Variants in PEX5L observed in about 807,000 individuals in gnomAD.
PEX5L encodes the protein peroxisomal biogenesis factor 5 like.
Under a neutral mutation model 84.0 loss-of-function variants are expected in PEX5L, and 30 were observed. That is an observed-to-expected ratio of 0.36 (90% CI 0.27 to 0.48). PEX5L has a LOEUF of 0.48. PEX5L is among the 20% of genes least tolerant of loss of function. The pLI, the probability that PEX5L is intolerant of heterozygous loss-of-function variation, is 0.99. For missense variants in PEX5L, 533 were observed against 754.6 expected (o/e 0.71, Z 3.44); for synonymous variants, 270 against 283.1 (o/e 0.95, Z 0.46).
chr3:179,819,305 C>T (rs1014656984), intron 9 of PEX5L, among the ~76,000 whole-genome samples: 1 of 152,148 alleles, frequency 6.6e-6, no homozygotes, highest in African/African-American at 2.4e-5. Flanking sequence ...GTTCACTGTA[C>T]TTGTGCATTT....
intron 2 of PEX5L, among the ~76,000 whole-genome samples, chr3:179,947,397 C>T (rs534056194): frequency 1.2e-3 from 179 of 152,106 alleles, no homozygotes; most frequent in African/African-American, 4.2e-3. Context: ...ATTTCAAACC[C>T]TTACACCAAT....
intron 6 of PEX5L, among the ~76,000 whole-genome samples, chr3:179,874,755 T>TG (rs1751753470): frequency 1.7e-5 from 2 of 116,132 alleles, no homozygotes; most frequent in Non-Finnish European, 3.6e-5. Flanking sequence ...TTTTTTTTTT[T>TG]TTTTTTTGGT....
At position 179,820,804 on chromosome 3, in the gene PEX5L, T is replaced by G. The variant is rs145826125; in HGVS notation, c.823-828A>C. Among the ~76,000 whole-genome samples, 4 of 152,300 alleles carry G rather than the reference T, an allele frequency of 2.6e-5. No homozygotes were observed. The East Asian group carries it at 7.7e-4, about 29-fold the overall frequency. On this transcript the variant is annotated intron_variant, in intron 8 of 14. Transcript: ENST00000467460. ...TTTTATTAAGCCTGAAGAGAGTTCTTTGGGTGGCCCAAGGGGCAGGAGGAA... is the reference window on the plus strand; with the variant it reads ...TTTTATTAAGCCTGAAGAGAGTTCTGTGGGTGGCCCAAGGGGCAGGAGGAA...
chr3:179,805,113 C>T (rs1288711011), intron 14 of PEX5L, among the ~76,000 whole-genome samples: 1 of 139,816 alleles, frequency 7.2e-6, no homozygotes, highest in African/African-American at 2.6e-5. Context: ...AAGCCTCCAT[C>T]TCAAAAAAAA....
intron 2 of PEX5L, among the ~76,000 whole-genome samples, chr3:179,924,322 A>G (rs1425671725): frequency 6.6e-6 from 1 of 152,186 alleles, no homozygotes. Context: ...CCCCAGCTAG[A>G]TGCCACCTTC....
chr3:179,957,326 C>T (rs1178596882), intron 2 of PEX5L, among the ~76,000 whole-genome samples: 3 of 152,022 alleles, frequency 2.0e-5, no homozygotes, highest in African/African-American at 7.2e-5. Context: ...AGGGTGATTG[C>T]CAGTAGTCTA....
chr3:179,799,371 C>T lies in PEX5L; in HGVS notation c.*2457G>A, dbSNP rs1008843209. 7.2e-5 allele frequency: 11 copies of T among 152,200 alleles called. No homozygotes were observed. The highest frequency in any genetic ancestry group is 1.0e-4 in the Non-Finnish European group (7 of 68,038). The allele number at this position is 152,200 out of a possible 1,614,324, so 9.4% of individuals were successfully genotyped here. A position where few individuals can be genotyped will look rare whatever the true frequency, so the allele number is the denominator to read the frequency against. ...GATACTACATACACTAGAGAAAGTA[C>T]TACTAAATGCTCTGCAAATTGCCAA... On this transcript the variant is annotated 3_prime_UTR_variant, in exon 15 of 15. Transcript: ENST00000467460.
intron 2 of PEX5L, among the ~76,000 whole-genome samples, chr3:179,905,286 T>C (rs969070028): frequency 8.6e-5 from 13 of 151,652 alleles, no homozygotes; most frequent in African/African-American, 3.1e-4. Context: ...CCTTTTTTTT[T>C]TTTTGAGATG....
chr3:180,036,433 C>A (rs1472362098), intron 1 of PEX5L, 146 bp downstream of exon 1: 3 of 818,410 alleles, frequency 3.7e-6, no homozygotes, highest in South Asian at 2.9e-5. Flanking sequence ...TTCCCGGCAG[C>A]ACCGGACAGA....
chr3:180,005,297 G>T (rs1286984549), intron 1 of PEX5L, among the ~76,000 whole-genome samples: 1 of 151,990 alleles, frequency 6.6e-6, no homozygotes, highest in Non-Finnish European at 1.5e-5. Flanking sequence ...GGGTTTTCCT[G>T]TCACCCAGGC....
At chr3:179,844,282 G>A (rs999058548) in intron 8 of PEX5L, among the ~76,000 whole-genome samples, 5 of 152,202 alleles carry the variant, frequency 3.3e-5, no homozygotes, top group Non-Finnish European at 7.3e-5. Flanking sequence ...TGATTTGGTG[G>A]ATCTGTAAAA....
At chr3:179,978,702 G>C (rs1786037569) in intron 1 of PEX5L, among the ~76,000 whole-genome samples, 1 of 152,112 alleles carries the variant, frequency 6.6e-6, no homozygotes, top group Non-Finnish European at 1.5e-5. Context: ...CTAAAGTTTA[G>C]GAGTTGTTTT....
In PEX5L at chr3:179,815,967, C is replaced by G. The variant is rs770375002; in HGVS notation, c.977G>C (p.Trp326Ser). 1 of 1,614,154 alleles carries G rather than the reference C, an allele frequency of 6.2e-7. No homozygotes were observed. Among genetic ancestry groups the G allele is most frequent in the Non-Finnish European group, 8.5e-7 (1 of 1,180,010 alleles). ...TAAGCCTTCTTCAAATGCTCCAGGC[C>G]AGTCCTTGAAGGGGTTTTCAGTGTG... ...YFHTENPFKD[W>S]PGAFEEGLKR... is the part of the protein sequence containing the mutation. The change falls in exon 10 of 15, where the codon TGG becomes TCG. Residue 326 changes from tryptophan to serine, a missense_variant. Physicochemically the swap from Trp to Ser is radical, Grantham distance 177. Around this residue, in one of 8 missense-constraint regions of PEX5L, gnomAD observed 58 missense variants for 56.4 expected, o/e 1.03. Coordinates refer to ENST00000467460, the MANE Select transcript of PEX5L (RefSeq NM_016559.3).
At chr3:179,868,325 T>A (rs933951534) in intron 7 of PEX5L, among the ~76,000 whole-genome samples, 1 of 152,040 alleles carries the variant, frequency 6.6e-6, no homozygotes, top group Non-Finnish European at 1.5e-5. Flanking sequence ...AAAGTTATTG[T>A]AAGAATTTCA....
At chr3:180,000,232 T>A (rs1215614245) in intron 1 of PEX5L, among the ~76,000 whole-genome samples, 1 of 152,202 alleles carries the variant, frequency 6.6e-6, no homozygotes, top group Non-Finnish European at 1.5e-5. Flanking sequence ...TTTGAGCTCC[T>A]CCTACCTTTA....
At chr3:179,904,004 GGAATTTACAATCCATGAT>G (rs1762303212) in intron 2 of PEX5L, among the ~76,000 whole-genome samples, 1 of 152,144 alleles carries the variant, frequency 6.6e-6, no homozygotes, top group Admixed American at 6.5e-5. Context: ...ATTCATATGT[GGAATTTACAATCCATGAT>G]GAATTTACCA....
At chr3:179,978,564 T>C (rs1295675907) in intron 1 of PEX5L, among the ~76,000 whole-genome samples, 1 of 152,198 alleles carries the variant, frequency 6.6e-6, no homozygotes, top group African/African-American at 2.4e-5. Context: ...CCACTTGACA[T>C]ATTTTTAAAG....
chr3:179,871,833 C>G (rs1750509003), intron 7 of PEX5L, among the ~76,000 whole-genome samples: 1 of 152,162 alleles, frequency 6.6e-6, no homozygotes, highest in African/African-American at 2.4e-5. Flanking sequence ...CTGCCTGATT[C>G]GTGAATTGTT....
chr3:179,996,331 G>T (rs1357031357), intron 1 of PEX5L, among the ~76,000 whole-genome samples: 1 of 152,284 alleles, frequency 6.6e-6, no homozygotes, highest in Non-Finnish European at 1.5e-5. Context: ...CATAGAGTTG[G>T]ATCAGGCTGA....
Sources: allele counts gnomAD v4.1 joint callset (sites outside exome capture counted in the v4.1 genomes callset), GRCh38; gene constraint gnomAD v4.1.1; regional missense constraint gnomAD v4.1.1; transcripts MANE v1.5; gene names NCBI Gene and HGNC (gene_info 2026-07-23, HGNC 2026-07-21).